Variants in COL20A1 observed in about 807,000 individuals in gnomAD.
The protein encoded by COL20A1 is collagen type XX alpha 1 chain, also known as collagen alpha-1(XX) chain.
Under a neutral mutation model 152.9 loss-of-function variants are expected in COL20A1, and 164 were observed. That is an observed-to-expected ratio of 1.07 (90% CI 0.94 to 1.22). COL20A1 has a LOEUF of 1.22. Among genes scored for constraint, COL20A1 ranks in the 50% most tolerant of loss-of-function variants. The probability of loss-of-function intolerance (pLI) is 0.00; values close to 1 mark genes in which losing one functional copy is unlikely to be tolerated. For synonymous variants in COL20A1, 864 were observed against 756.0 expected (o/e 1.14, Z -2.34); for missense variants, 1,873 against 1,744.8 (o/e 1.07, Z -1.31).
At position 63,313,058 on chromosome 20, in the gene COL20A1, G is replaced by GC; in HGVS notation, c.2077-53dup. 6.4e-7 allele frequency: 1 copy of GC among 1,565,392 alleles called. No homozygotes were observed. Among genetic ancestry groups the GC allele is most frequent in the Non-Finnish European group, 8.7e-7 (1 of 1,154,576 alleles). ...TCTCCCAGGGATGCCTCACTGCCCG[G>GC]CCCCCCAACCTGAGGACCCCACTGC... is the stretch of plus-strand genomic sequence containing the variant. On this transcript the variant is annotated intron_variant, in intron 16 of 35. Transcript: ENST00000358894. The surrounding 1 kb of genome is among the most constrained non-coding windows in gnomAD (Gnocchi z 5.9).
In COL20A1 at chr20:63,316,786, C is replaced by T. The variant is rs1239238319; in HGVS notation, c.2663+95C>T. 4 of 1,267,434 alleles carry T rather than the reference C, an allele frequency of 3.2e-6. No homozygotes were observed. In the African/African-American group the frequency reaches 6.0e-5, roughly 19 times the overall value. 78.5% of individuals were successfully genotyped at this position (1,267,434 alleles called of 1,614,324 possible). A position where few individuals can be genotyped will look rare whatever the true frequency, so the allele number is the denominator to read the frequency against. On this transcript the variant is annotated intron_variant, in intron 21 of 35. Coordinates refer to ENST00000358894, the MANE Select transcript of COL20A1 (RefSeq NM_020882.4). ...TGGGGGGGCGGGCATGGGCCGGAGA[C>T]CTCCTGGAGGCTGTGGGACAGGGCA... is the stretch of plus-strand genomic sequence containing the variant.
chr20:63,328,608 GGAGA>G, intron 34 of COL20A1, 110 bp downstream of exon 34: 4 of 1,062,816 alleles, frequency 3.8e-6, no homozygotes, highest in Non-Finnish European at 5.3e-6. Flanking sequence ...AGCTCCTGCT[GGAGA>G]TGCCACTGTC....
chr20:63,322,198 C>A, intron 27 of COL20A1, 87 bp downstream of exon 27: 1 of 1,122,228 alleles, frequency 8.9e-7, no homozygotes, highest in Non-Finnish European at 1.2e-6. Context: ...CCTGAGAGTG[C>A]AGGGAGCTGC....
rs1442328574 is a variant in COL20A1 at position 63,320,278 on chromosome 20, CCCTGCGT to C, written c.3076-12_3076-6del. ...CTGAGCCCCGGGGCTGAGCCGGCTC[CCCTGCGT>C]TGCAGTTTCAGCTCCAGATGCTGCA... is the stretch of plus-strand genomic sequence containing the variant. On this transcript the variant is annotated splice_region_variant and splice_polypyrimidine_tract_variant and intron_variant, in intron 24 of 35. Coordinates refer to ENST00000358894, the MANE Select transcript of COL20A1 (RefSeq NM_020882.4). The C allele has an allele frequency of 4.4e-6, 7 of 1,608,684 alleles. No homozygotes were observed. The highest frequency in any genetic ancestry group is 5.9e-6 in the Non-Finnish European group (7 of 1,179,766).
At chr20:63,295,250 C>T (rs879186642) in intron 2 of COL20A1, 61 bp downstream of exon 2, 6 of 1,159,624 alleles carry the variant, frequency 5.2e-6, no homozygotes, top group South Asian at 4.1e-5. Flanking sequence ...CACCAGTGCC[C>T]ACGCGGGACG....
chr20:63,301,321 A>AG (rs1253321542), intron 3 of COL20A1, among the ~76,000 whole-genome samples: 1 of 152,222 alleles, frequency 6.6e-6, no homozygotes, highest in Non-Finnish European at 1.5e-5. Context: ...TCTCAAAAAA[A>AG]AAGTACCTCG....
rs769654778 is a variant in COL20A1, at chr20:63,312,489, C to T, written c.1873C>T (p.Arg625Cys). ...CTCTTCCTCCACCACCTACACTGTC[C>T]GTGTCACCTGCCTCTACCCTGGGGG... is the stretch of plus-strand genomic sequence containing the variant. ...PLSSSTTYTV[R>C]VTCLYPGGGS... The change falls in exon 15 of 36, where the codon CGT (arginine) becomes TGT (cysteine). Residue 625 changes from arginine to cysteine, a missense_variant. Arg to Cys is a radical substitution (Grantham distance 180). Coordinates refer to ENST00000358894, the MANE Select transcript of COL20A1 (RefSeq NM_020882.4). 23 of 1,608,722 alleles carry T rather than the reference C, an allele frequency of 1.4e-5. No individual in the cohort carries two copies. The highest frequency in any genetic ancestry group is 4.4e-5 in the South Asian group (4 of 90,798).
intron 31 of COL20A1, 109 bp from the exon 32 acceptor site, chr20:63,327,842 GT>G: frequency 8.8e-7 from 1 of 1,132,312 alleles, no homozygotes; most frequent in East Asian, 2.6e-5. Flanking sequence ...CACCGCCACT[GT>G]GGCTATCAGG....
At chr20:63,320,477 G>C in intron 25 of COL20A1, 109 bp downstream of exon 25, 1 of 1,096,488 alleles carries the variant, frequency 9.1e-7, no homozygotes, top group South Asian at 1.3e-5. Context: ...ACCGTGCTGG[G>C]AGAGATCAGG....
At position 63,305,546 on chromosome 20, in the gene COL20A1, G is replaced by T; in HGVS notation, c.323G>T (p.Arg108Leu). The T allele has an allele frequency of 6.3e-7, 1 of 1,599,778 alleles. No individual in the cohort carries two copies. Among genetic ancestry groups the T allele is most frequent in the Non-Finnish European group, 8.5e-7 (1 of 1,174,358 alleles). The part of the protein sequence containing the change: ...LTGSGRFLLA[R>L]REFVIEDLKS... ...GGCTCTGGGCGCTTCCTGCTAGCTC[G>T]GAGGGAGTTTGTGAGTAAGTCCACC... Residue 108 changes from arginine to leucine, a missense_variant, in exon 4 of 36, where the codon CGG becomes CTG. Coordinates refer to ENST00000358894, the MANE Select transcript of COL20A1 (RefSeq NM_020882.4). This position sits in a 1 kb window ranked among gnomAD's most constrained non-coding sequence, Gnocchi z 4.9.
chr20:63,306,378 G>C lies in COL20A1; in HGVS notation c.496+339G>C, dbSNP rs1044678115. On this transcript the variant is annotated intron_variant, in intron 5 of 35. Coordinates refer to ENST00000358894, the MANE Select transcript of COL20A1 (RefSeq NM_020882.4). The surrounding 1 kb of genome is among the most constrained non-coding windows in gnomAD (Gnocchi z 6.9). ...GGCCGGGAAGTTCTTCCTCGTGTCT[G>C]ACCACACGGTCTCTGGCTTTAACTT... 6.6e-6 allele frequency among the ~76,000 whole-genome samples: 1 copy of C among 152,216 alleles called. No homozygotes were observed. The highest frequency in any genetic ancestry group is 1.9e-4 in the East Asian group (1 of 5,164).
At position 63,326,138 on chromosome 20, in the gene COL20A1, C is replaced by T. The variant is rs1457763033; in HGVS notation, c.3445C>T (p.Pro1149Ser). The T allele has an allele frequency of 2.5e-6, 4 of 1,612,252 alleles. No homozygotes were observed. The highest frequency in any genetic ancestry group is 2.7e-5 in the African/African-American group (2 of 74,860). ...GGGAACTGCTGGCCTGCCTGGACCCCCTGGCCCCAGGGTAGGCACCGACCT... is the reference window on the plus strand; with the variant it reads ...GGGAACTGCTGGCCTGCCTGGACCCTCTGGCCCCAGGGTAGGCACCGACCT... ...LEGTAGLPGP[P>S]GPRGFQGMAG... The change falls in exon 30 of 36, where the codon CCT (proline) becomes TCT (serine). Residue 1149 changes from proline to serine, a missense_variant. Transcript: ENST00000358894.
chr20:63,294,876 G>A (rs2067766725), intron 1 of COL20A1, among the ~76,000 whole-genome samples: 1 of 152,230 alleles, frequency 6.6e-6, no homozygotes, highest in Non-Finnish European at 1.5e-5. Context: ...GGGAGTGGGA[G>A]GCAGCCCCAG....
intron 3 of COL20A1, among the ~76,000 whole-genome samples, chr20:63,298,299 A>C (rs2067824660): frequency 6.6e-6 from 1 of 151,978 alleles, no homozygotes; most frequent in Non-Finnish European, 1.5e-5. Flanking sequence ...TCAATTTTTA[A>C]TTTTTTTTAA....
chr20:63,308,123 G>A, intron 7 of COL20A1, 33 bp downstream of exon 7: 1 of 1,608,156 alleles, frequency 6.2e-7, no homozygotes, highest in Non-Finnish European at 8.5e-7. Flanking sequence ...CCTCTGTCCT[G>A]AGGGCGGACC....
At chr20:63,293,487 C>T (rs1250129743) in intron 1 of COL20A1, among the ~76,000 whole-genome samples, 2 of 152,168 alleles carry the variant, frequency 1.3e-5, no homozygotes, top group East Asian at 3.8e-4. Flanking sequence ...GAGCTCTCAC[C>T]AAGGGCTCCC....
Position 63,319,563 on chromosome 20 carries a change from A to G in COL20A1, c.2883A>G (p.Glu961=). 2.5e-6 allele frequency: 4 copies of G among 1,594,314 alleles called. No homozygotes were observed. The highest frequency in any genetic ancestry group is 3.4e-6 in the Non-Finnish European group (4 of 1,171,232). The change falls in exon 23 of 36, where the codon GAA becomes GAG. Residue 961 remains glutamate (E), a synonymous_variant. Transcript: ENST00000358894. The surrounding 1 kb of genome is among the most constrained non-coding windows in gnomAD (Gnocchi z 4.4). ...AGGAGGCCACCTTCGACCCGCAGGAAGTGAGGAAGATTTTCTTCGGGAGCT... is the reference window on the plus strand; with the variant it reads ...AGGAGGCCACCTTCGACCCGCAGGAGGTGAGGAAGATTTTCTTCGGGAGCT... ...ALQEATFDPQ[E]VRKIFFGSFH...
At position 63,311,820 on chromosome 20, in the gene COL20A1, G is replaced by A; in HGVS notation, c.1663+72G>A. 1 of 1,531,950 alleles carries A rather than the reference G, an allele frequency of 6.5e-7. No homozygotes were observed. Among genetic ancestry groups the A allele is most frequent in the Non-Finnish European group, 8.7e-7 (1 of 1,143,608 alleles). The allele number at this position is 1,531,950 out of a possible 1,614,324, so 94.9% of individuals were successfully genotyped here. On this transcript the variant is annotated intron_variant, in intron 13 of 35. Coordinates refer to ENST00000358894, the MANE Select transcript of COL20A1 (RefSeq NM_020882.4). This position sits in a 1 kb window ranked among gnomAD's most constrained non-coding sequence, Gnocchi z 4.4. ...CTTGTTCCTCAGCCTTCCATGGCAT[G>A]GGAGACCTCAGGCCCCCTCGGTCCC...
intron 3 of COL20A1, among the ~76,000 whole-genome samples, chr20:63,302,600 C>T (rs879679180): frequency 1.3e-5 from 2 of 152,078 alleles, no homozygotes; most frequent in East Asian, 1.9e-4. Context: ...GGATTCCAGG[C>T]GTGAGTCACC....
Sources: gnomAD v4.1 joint callset for allele counts (sites outside exome capture counted in the v4.1 genomes callset) on GRCh38, gnomAD v4.1.1 for gene constraint, Gnocchi (gnomAD v3.1) non-coding constraint, MANE v1.5 for transcripts, NCBI Gene and HGNC (gene_info 2026-07-23, HGNC 2026-07-21) for gene names.